The following NRG3 variants were observed in gnomAD, a reference collection of about 807,000 sequenced individuals.
The protein encoded by NRG3 is pro-neuregulin-3, membrane-bound isoform.
NRG3 carries 31 observed loss-of-function variants against 66.9 expected under a neutral mutation model. The observed-to-expected ratio is 0.46, with a 90% confidence interval of 0.35 to 0.63. The LOEUF (loss-of-function observed/expected upper bound fraction) is 0.63, where lower values mean the gene tolerates loss of function less well. Ranked by LOEUF, NRG3 falls within the 20% of genes least tolerant of loss-of-function variation. NRG3 has a pLI of 0.00. For synonymous variants in NRG3, 393 were observed against 359.4 expected (o/e 1.09, Z -1.06); for missense variants, 910 against 878.9 (o/e 1.04, Z -0.45).
intron 3 of NRG3, among the ~76,000 whole-genome samples, chr10:82,797,889 TTTG>T (rs1176121082): frequency 1.2e-4 from 18 of 152,282 alleles, no homozygotes; most frequent in African/African-American, 4.1e-4. Flanking sequence ...TCAACCTGGT[TTTG>T]TTGTTAGTAC....
At chr10:82,017,039 C>T (rs1376056762) in intron 1 of NRG3, among the ~76,000 whole-genome samples, 1 of 152,132 alleles carries the variant, frequency 6.6e-6, no homozygotes, top group East Asian at 1.9e-4. Context: ...CATCCATTAA[C>T]TCGTAATTTA....
intron 2 of NRG3, among the ~76,000 whole-genome samples, chr10:82,543,944 G>A (rs957755861): frequency 1.3e-5 from 2 of 152,186 alleles, no homozygotes; most frequent in Non-Finnish European, 2.9e-5. Context: ...AGACTTCTGA[G>A]AAATTGTCAA....
chr10:82,976,000 C>T lies in NRG3; in HGVS notation c.1412+2085C>T, dbSNP rs113253477. Among the ~76,000 whole-genome samples, 1,039 of 152,200 alleles carry T rather than the reference C, an allele frequency of 6.8e-3. 11 individuals are homozygous for T. Among genetic ancestry groups the T allele is most frequent in the African/African-American group, 0.024 (980 of 41,530 alleles). ...ATCTGTTTAGAAAATAAATCTATTA[C>T]GGCATGTCATATTTATTGCATTATA... is the stretch of plus-strand genomic sequence containing the variant. On this transcript the variant is annotated intron_variant, in intron 7 of 8. Coordinates refer to ENST00000372141, the MANE Select transcript of NRG3 (RefSeq NM_001010848.4).
chr10:82,709,436 CTGTGGCGCGATCT>C (rs931323170), intron 2 of NRG3, among the ~76,000 whole-genome samples: 18 of 152,032 alleles, frequency 1.2e-4, no homozygotes, highest in Non-Finnish European at 1.8e-4. Context: ...GGCTGGAGTG[CTGTGGCGCGATCT>C]TGGCTCACTG....
At chr10:82,755,535 T>C (rs973475386) in intron 3 of NRG3, among the ~76,000 whole-genome samples, 12 of 152,098 alleles carry the variant, frequency 7.9e-5, no homozygotes, top group African/African-American at 2.7e-4. Context: ...GGCCATAGCT[T>C]CACTTCAGGC....
chr10:82,470,144 C>T (rs565169321), intron 2 of NRG3, among the ~76,000 whole-genome samples: 14 of 152,304 alleles, frequency 9.2e-5, no homozygotes, highest in African/African-American at 1.7e-4. Flanking sequence ...TCAAGGCACA[C>T]TGTAAAAGAA....
intron 1 of NRG3, among the ~76,000 whole-genome samples, chr10:81,975,982 G>A (rs1407747745): frequency 6.6e-6 from 1 of 152,066 alleles, no homozygotes; most frequent in Non-Finnish European, 1.5e-5. Context: ...GAAAGGACAA[G>A]GAAACAGAAT....
intron 1 of NRG3, among the ~76,000 whole-genome samples, chr10:82,069,794 A>G (rs2064700136): frequency 6.6e-6 from 1 of 152,200 alleles, no homozygotes; most frequent in African/African-American, 2.4e-5. Flanking sequence ...TGCTCTGGTA[A>G]ATTAATTGGT....
At chr10:81,949,031 A>G (rs746868930) in intron 1 of NRG3, among the ~76,000 whole-genome samples, 1 of 152,142 alleles carries the variant, frequency 6.6e-6, no homozygotes, top group African/African-American at 2.4e-5. Context: ...TGGCAAAAAC[A>G]TGTGACAATA....
intron 1 of NRG3, among the ~76,000 whole-genome samples, chr10:81,888,200 G>T (rs544796758): frequency 6.6e-6 from 1 of 152,080 alleles, no homozygotes; most frequent in Non-Finnish European, 1.5e-5. Flanking sequence ...TCCCCTCTTA[G>T]TGAGACTTCA....
At chr10:82,396,455 A>G (rs928190858) in intron 2 of NRG3, among the ~76,000 whole-genome samples, 6 of 152,166 alleles carry the variant, frequency 3.9e-5, no homozygotes, top group Admixed American at 3.9e-4. Context: ...TTTATTGACC[A>G]GTTCCCTTTT....
intron 1 of NRG3, among the ~76,000 whole-genome samples, chr10:82,104,105 A>T (rs1012587317): frequency 1.3e-5 from 2 of 151,666 alleles, no homozygotes; most frequent in African/African-American, 4.8e-5. Flanking sequence ...AATTTTTTTG[A>T]CTTTTGTCTC....
intron 4 of NRG3, among the ~76,000 whole-genome samples, chr10:82,929,906 A>G (rs1390130114): frequency 6.6e-6 from 1 of 151,980 alleles, no homozygotes; most frequent in Non-Finnish European, 1.5e-5. Flanking sequence ...AAGAAAAAAA[A>G]TGAATCTTTA....
intron 2 of NRG3, among the ~76,000 whole-genome samples, chr10:82,389,393 A>C (rs1191552139): frequency 6.6e-6 from 1 of 152,180 alleles, no homozygotes; most frequent in Non-Finnish European, 1.5e-5. Context: ...TTCACAGGAG[A>C]TCAAATACTT....
intron 3 of NRG3, among the ~76,000 whole-genome samples, chr10:82,849,039 C>A (rs1047947707): frequency 6.6e-6 from 1 of 152,158 alleles, no homozygotes. Context: ...ATACCAGTAA[C>A]TCCAATTACC....
At position 82,244,471 on chromosome 10, in the gene NRG3, C is replaced by A. The variant is rs182022827; in HGVS notation, c.824-114268C>A. 5.3e-5 allele frequency among the ~76,000 whole-genome samples: 8 copies of A among 152,216 alleles called. No homozygotes were observed. In the East Asian group the frequency reaches 1.5e-3, roughly 29 times the overall value. ...AGTTGACCTCATCTTTTTGGAGTGC[C>A]ATTGCCTAATCAGAAAAATAAGGAC... On this transcript the variant is annotated intron_variant, in intron 1 of 8. Coordinates refer to ENST00000372141, the MANE Select transcript of NRG3 (RefSeq NM_001010848.4).
chr10:82,790,524 A>C (rs976612831), intron 3 of NRG3, among the ~76,000 whole-genome samples: 1 of 152,028 alleles, frequency 6.6e-6, no homozygotes, highest in Non-Finnish European at 1.5e-5. Context: ...GTGTTTTGAC[A>C]GTTTAATTAT....
intron 6 of NRG3, among the ~76,000 whole-genome samples, chr10:82,964,453 C>T (rs896086761): frequency 9.2e-5 from 14 of 152,056 alleles, no homozygotes; most frequent in Non-Finnish European, 1.6e-4. Flanking sequence ...TGTGCTGTGC[C>T]TAGTGTCTGA....
intron 4 of NRG3, among the ~76,000 whole-genome samples, chr10:82,899,206 C>A (rs1187932955): frequency 2.0e-5 from 3 of 152,082 alleles, no homozygotes; most frequent in African/African-American, 7.2e-5. Flanking sequence ...AAAAGTACCC[C>A]CTTATTTTCT....
Sources: allele counts gnomAD v4.1 joint callset (sites outside exome capture counted in the v4.1 genomes callset), GRCh38; gene constraint gnomAD v4.1.1; transcripts MANE v1.5; gene names NCBI Gene and HGNC (gene_info 2026-07-23, HGNC 2026-07-21).